Variants in ATP6V1G3 observed in about 807,000 individuals in gnomAD.
The protein encoded by ATP6V1G3 is ATPase H+ transporting V1 subunit G3.
ATP6V1G3 carries 9 observed loss-of-function variants against 9.3 expected under a neutral mutation model. The observed-to-expected ratio is 0.97, with a 90% CI of 0.59 to 1.69. The LOEUF is 1.69. Among genes scored for constraint, ATP6V1G3 ranks in the 40% most tolerant of loss-of-function variants. ATP6V1G3 has a pLI of 0.00. For missense variants in ATP6V1G3, 133 were observed against 139.0 expected, an observed-to-expected ratio of 0.96 and a Z score of 0.22; for synonymous variants, 43 against 43.8, an observed-to-expected ratio of 0.98 and a Z score of 0.07.
chr1:198,523,651 C>A, intron 2 of ATP6V1G3, 87 bp from the exon 3 acceptor site: 1 of 1,254,738 alleles, frequency 8.0e-7, no homozygotes, highest in South Asian at 1.5e-5. Context: ...TGATGATTGT[C>A]CTACAATGCA....
intron 1 of ATP6V1G3, among the ~76,000 whole-genome samples, chr1:198,535,949 T>A (rs1232034435): frequency 2.0e-5 from 3 of 152,250 alleles, no homozygotes; most frequent in Non-Finnish European, 4.4e-5. Context: ...TAGACATTTT[T>A]AATATAGCTA....
intron 1 of ATP6V1G3, among the ~76,000 whole-genome samples, chr1:198,536,431 G>A (rs186533853): frequency 9.2e-5 from 14 of 152,292 alleles, no homozygotes; most frequent in Non-Finnish European, 2.9e-5. Flanking sequence ...GATCTCTGAT[G>A]TTTAGGTAAC....
intron 1 of ATP6V1G3, among the ~76,000 whole-genome samples, chr1:198,535,232 T>C (rs140130401): frequency 6.6e-6 from 1 of 152,256 alleles, no homozygotes. Flanking sequence ...AGAGGAAGTA[T>C]TTACAAGCCT....
chr1:198,527,443 AATG>A lies in ATP6V1G3; in HGVS notation c.183+1635_183+1637del, dbSNP rs138901332. On this transcript the variant is annotated intron_variant, in intron 2 of 2. Transcript: ENST00000367382. ...ATATCTGATAAGATTCTTCTGGAGAAATGATATTTGAAGAGATTTAACACAAGC... is the reference window on the plus strand; with the variant it reads ...ATATCTGATAAGATTCTTCTGGAGAAATATTTGAAGAGATTTAACACAAGC... Among the ~76,000 whole-genome samples, 680 of 152,284 alleles carry A rather than the reference AATG, an allele frequency of 4.5e-3. 7 individuals are homozygous for A. Among genetic ancestry groups the A allele is most frequent in the African/African-American group, 0.016 (652 of 41,564 alleles).
intron 2 of ATP6V1G3, among the ~76,000 whole-genome samples, chr1:198,527,348 G>A (rs375119838): frequency 6.6e-6 from 1 of 152,176 alleles, no homozygotes. Context: ...CTAATTATGA[G>A]AGAGATGAGG....
intron 1 of ATP6V1G3, among the ~76,000 whole-genome samples, chr1:198,538,773 T>C (rs1296840969): frequency 6.6e-6 from 1 of 151,300 alleles, no homozygotes; most frequent in Non-Finnish European, 1.5e-5. Context: ...TGTGGTGGCG[T>C]GTGTCTGTGG....
In ATP6V1G3 at chr1:198,523,389, A is replaced by T. The variant is rs758073073; in HGVS notation, c.*2T>A. ...TTTTTTCTTGAAAACTGTGATGTACATTTAGTTGGTGGCTCTGTAGTTCAC... is the reference window on the plus strand; with the variant it reads ...TTTTTTCTTGAAAACTGTGATGTACTTTTAGTTGGTGGCTCTGTAGTTCAC... On this transcript the variant is annotated 3_prime_UTR_variant, in exon 3 of 3. Coordinates refer to ENST00000367382, the MANE Select transcript of ATP6V1G3 (RefSeq NM_001376861.1). 1 of 1,611,196 alleles carries T rather than the reference A, an allele frequency of 6.2e-7. No homozygotes were observed. The highest frequency in any genetic ancestry group is 1.1e-5 in the South Asian group (1 of 90,524).
At position 198,523,460 on chromosome 1, in the gene ATP6V1G3, C is replaced by T; in HGVS notation, c.288G>A (p.Met96Ile). The T allele has an allele frequency of 6.2e-7, 1 of 1,613,564 alleles. No individual in the cohort carries two copies. The highest frequency in any genetic ancestry group is 1.3e-5 in the African/African-American group (1 of 75,018). ...CACAGACCATGCTCAAGAGCTGGTT[C>T]ATCACACTTTCCATATACTTATTGT... The part of the protein sequence containing the change: ...GHYNKYMESV[M>I]NQLLSMVCDM... Residue 96 changes from methionine to isoleucine, a missense_variant, in exon 3 of 3, where the codon ATG (methionine) becomes ATA (isoleucine). Coordinates refer to ENST00000367382, the MANE Select transcript of ATP6V1G3 (RefSeq NM_001376861.1).
At chr1:198,535,250 A>T (rs957950153) in intron 1 of ATP6V1G3, among the ~76,000 whole-genome samples, 1 of 152,188 alleles carries the variant, frequency 6.6e-6, no homozygotes, top group African/African-American at 2.4e-5. Flanking sequence ...CCTACAAAAC[A>T]TGCAAGACAG....
intron 1 of ATP6V1G3, among the ~76,000 whole-genome samples, chr1:198,532,757 A>G (rs529980144): frequency 7.2e-5 from 11 of 152,330 alleles, no homozygotes; most frequent in African/African-American, 2.4e-4. Flanking sequence ...TCCTCCAGGC[A>G]GAGGGAACAG....
At chr1:198,528,749 T>C (rs1164965757) in intron 2 of ATP6V1G3, among the ~76,000 whole-genome samples, 1 of 152,036 alleles carries the variant, frequency 6.6e-6, no homozygotes, top group Non-Finnish European at 1.5e-5. Context: ...GAAGTTATTT[T>C]ACTAAAACAT....
intron 1 of ATP6V1G3, among the ~76,000 whole-genome samples, chr1:198,537,702 C>T (rs2103145028): frequency 6.6e-6 from 1 of 152,320 alleles, no homozygotes; most frequent in South Asian, 2.1e-4. Context: ...ATCATGCCTC[C>T]TTTCCCTTTT....
intron 2 of ATP6V1G3, among the ~76,000 whole-genome samples, chr1:198,527,528 C>T (rs1457953004): frequency 6.6e-6 from 1 of 151,966 alleles, no homozygotes; most frequent in Non-Finnish European, 1.5e-5. Context: ...ATAATTATAT[C>T]AGAAATATCC....
intron 2 of ATP6V1G3, among the ~76,000 whole-genome samples, chr1:198,527,932 A>C (rs1659724517): frequency 6.6e-6 from 1 of 152,194 alleles, no homozygotes; most frequent in African/African-American, 2.4e-5. Context: ...GATCAAAGAA[A>C]GATGAATATA....
intron 2 of ATP6V1G3, among the ~76,000 whole-genome samples, chr1:198,527,674 A>G (rs1384110013): frequency 6.6e-6 from 1 of 152,210 alleles, no homozygotes; most frequent in African/African-American, 2.4e-5. Context: ...ACAAATATTT[A>G]TTGCATGTCT....
rs564869805 is a variant in ATP6V1G3 at position 198,532,676 on chromosome 1, G to A, written c.83-3495C>T. Among the ~76,000 whole-genome samples the A allele has an allele frequency of 3.7e-4, 56 of 152,240 alleles. No homozygotes were observed. In the East Asian group the frequency reaches 0.01, roughly 28 times the overall value. The stretch of plus-strand genomic sequence containing the variant: ...TCAGATGAAACAATATGTGAACAGA[G>A]GCCTAAAGGAATAAGGCAACTAGTC... On this transcript the variant is annotated intron_variant, in intron 1 of 2. Transcript: ENST00000367382.
intron 2 of ATP6V1G3, 89 bp from the exon 3 acceptor site, chr1:198,523,653 TAC>T: frequency 8.1e-7 from 1 of 1,233,104 alleles, no homozygotes; most frequent in Non-Finnish European, 1.1e-6. Context: ...ATGATTGTCC[TAC>T]AATGCACAAT....
Position 198,529,067 on chromosome 1 carries a change from A to C in ATP6V1G3, c.183+14T>G, listed in dbSNP as rs750132359. ...CTATTCTGCATAAGAAACAGTGCTG[A>C]CTTTCTTACTCACCTTAGATTGTTT... On this transcript the variant is annotated intron_variant, in intron 2 of 2. Coordinates refer to ENST00000367382, the MANE Select transcript of ATP6V1G3 (RefSeq NM_001376861.1). The C allele has an allele frequency of 2.3e-6, 3 of 1,300,920 alleles. No homozygotes were observed. Among genetic ancestry groups the C allele is most frequent in the East Asian group, 2.6e-5 (1 of 38,546 alleles). 80.6% of individuals were successfully genotyped at this position (1,300,920 alleles called of 1,614,324 possible).
At chr1:198,534,436 G>A (rs1660027714) in intron 1 of ATP6V1G3, among the ~76,000 whole-genome samples, 2 of 152,102 alleles carry the variant, frequency 1.3e-5, no homozygotes, top group South Asian at 2.1e-4. Context: ...GCTTCCAGAA[G>A]GATCCAACCC....
Sources: allele counts gnomAD v4.1 joint callset (sites outside exome capture counted in the v4.1 genomes callset), GRCh38; gene constraint gnomAD v4.1.1; transcripts MANE v1.5; gene names NCBI Gene and HGNC (gene_info 2026-07-23, HGNC 2026-07-21).